ANXA8: variants seen among roughly 807,000 people sequenced by gnomAD.
ANXA8 encodes VAC-beta.
In ANXA8, 9 loss-of-function variants were observed where a neutral mutation model predicts 26.8. The observed-to-expected ratio is 0.34, with a 90% CI of 0.20 to 0.59. ANXA8 has a LOEUF of 0.59. Among genes scored for constraint, ANXA8 ranks in the 20% least tolerant of loss-of-function variants. The probability of loss-of-function intolerance (pLI) is 0.84; values close to 1 mark genes in which losing one functional copy is unlikely to be tolerated. For synonymous variants in ANXA8, 39 were observed against 94.8 expected (o/e 0.41, Z 3.42); for missense variants, 83 against 238.5 (o/e 0.35, Z 4.29).
At chr10:47,681,865 T>C in the ANXA8 span, among the ~76,000 whole-genome samples, 23 of 113,870 alleles carry the variant, frequency 2.0e-4, no homozygotes, top group African/African-American at 3.4e-4. Context: ...TGATGTTGCA[T>C]GGTGTGGATG....
At chr10:47,639,581 G>A in the ANXA8 span, among the ~76,000 whole-genome samples, 1 of 150,124 alleles carries the variant, frequency 6.7e-6, no homozygotes, top group African/African-American at 2.4e-5. Flanking sequence ...CTCCCAAAGT[G>A]CTGGGATTAC....
the ANXA8 span, among the ~76,000 whole-genome samples, chr10:47,653,039 C>A: frequency 6.6e-6 from 1 of 151,248 alleles, no homozygotes; most frequent in Non-Finnish European, 1.5e-5. Flanking sequence ...AGCCCGTGTG[C>A]AGTGGCTCAC....
At chr10:47,698,463 A>G in the ANXA8 span, among the ~76,000 whole-genome samples, 10 of 147,940 alleles carry the variant, frequency 6.8e-5, no homozygotes, top group African/African-American at 1.0e-4. Flanking sequence ...TAACTTTAGT[A>G]CAATATCAAC....
At chr10:47,991,510 G>C in the ANXA8 span, among the ~76,000 whole-genome samples, 1 of 148,312 alleles carries the variant, frequency 6.7e-6, no homozygotes, top group Non-Finnish European at 1.5e-5. Context: ...CTCTAGGCCT[G>C]GGGCTGTTTC....
rs1241901898 is a variant in ANXA8 at position 47,476,213 on chromosome 10, C to T, written c.412+19G>A. 1 of 384,202 alleles carries T rather than the reference C, an allele frequency of 2.6e-6. No individual in the cohort carries two copies. The highest frequency in any genetic ancestry group is 6.6e-5 in the African/African-American group (1 of 15,084). The allele number at this position is 384,202 out of a possible 1,614,324, so 23.8% of individuals were successfully genotyped here. On this transcript the variant is annotated intron_variant, in intron 5 of 11. Coordinates refer to ENST00000585281, the MANE Select transcript of ANXA8 (RefSeq NM_001040084.3). ...GCTTGTGGCCACTCCTGAGCCCCTC[C>T]ATCTGTGCCACCCCTTACCTTCCTC...
chr10:47,506,810 T>G, the ANXA8 span, among the ~76,000 whole-genome samples: 1 of 141,920 alleles, frequency 7.0e-6, no homozygotes, highest in South Asian at 2.3e-4. Flanking sequence ...CAGCTAAGTT[T>G]TTGTATTTTT....
chr10:47,951,811 CAAAAAAAAAAAAAA>C, the ANXA8 span, among the ~76,000 whole-genome samples: 2 of 94,554 alleles, frequency 2.1e-5, no homozygotes, highest in Non-Finnish European at 3.7e-5. Context: ...ACTCTGTCTC[CAAAAAAAAAAAAAA>C]AAAAAAAAAA....
At chr10:47,673,486 C>T in the ANXA8 span, among the ~76,000 whole-genome samples, 5 of 148,040 alleles carry the variant, frequency 3.4e-5, no homozygotes, top group Admixed American at 1.3e-4. Flanking sequence ...TTCAGGCCTT[C>T]ACAGAATGTA....
the ANXA8 span, among the ~76,000 whole-genome samples, chr10:47,525,707 T>C: frequency 1.5e-5 from 2 of 135,976 alleles, 1 homozygote; most frequent in East Asian, 6.0e-4. Flanking sequence ...GTTTCTCTAA[T>C]TTCATTTTCA....
At chr10:47,552,373 G>A in the ANXA8 span, among the ~76,000 whole-genome samples, 45 of 151,350 alleles carry the variant, frequency 3.0e-4, no homozygotes, top group Non-Finnish European at 8.8e-5. Context: ...CTACCATACT[G>A]GACAGCTCAG....
At chr10:47,501,372 A>G in the ANXA8 span, among the ~76,000 whole-genome samples, 1 of 143,930 alleles carries the variant, frequency 6.9e-6, no homozygotes, top group African/African-American at 2.5e-5. Context: ...TATCTCAACT[A>G]GCTGACATTA....
At chr10:47,900,683 G>A in the ANXA8 span, among the ~76,000 whole-genome samples, 1 of 108,322 alleles carries the variant, frequency 9.2e-6, no homozygotes, top group Non-Finnish European at 1.9e-5. Flanking sequence ...TTTTTTTTTG[G>A]CTCAGTAACC....
At chr10:47,580,789 A>C in the ANXA8 span, among the ~76,000 whole-genome samples, 10 of 149,948 alleles carry the variant, frequency 6.7e-5, no homozygotes, top group South Asian at 2.1e-3. Flanking sequence ...AACAAAAAAA[A>C]ACAGGCCAGG....
Position 47,483,898 on chromosome 10 carries a change from C to T in ANXA8, c.21+15G>A. 2 of 1,611,748 alleles carry T rather than the reference C, an allele frequency of 1.2e-6. No individual in the cohort carries two copies. The highest frequency in any genetic ancestry group is 8.5e-7 in the Non-Finnish European group (1 of 1,179,852). ...ACCATGCAGGAACCCAAATCTCCTG[C>T]CAGCTCCCACTTACCCAGGATTTCC... is the stretch of plus-strand genomic sequence containing the variant. On this transcript the variant is annotated intron_variant, in intron 1 of 11. Transcript: ENST00000585281.
chr10:47,682,355 G>A, the ANXA8 span, among the ~76,000 whole-genome samples: 18 of 143,144 alleles, frequency 1.3e-4, no homozygotes, highest in African/African-American at 4.7e-4. Flanking sequence ...CCAACCCTTT[G>A]AGAAGGAAAA....
At chr10:47,660,383 TTTTCTTTC>T in the ANXA8 span, among the ~76,000 whole-genome samples, 1 of 151,186 alleles carries the variant, frequency 6.6e-6, no homozygotes, top group East Asian at 1.9e-4. Flanking sequence ...AAAAGTGGTA[TTTTCTTTC>T]TTTCTTTCTT....
chr10:47,768,615 G>C, the ANXA8 span, among the ~76,000 whole-genome samples: 2 of 151,118 alleles, frequency 1.3e-5, no homozygotes, highest in East Asian at 1.9e-4. Context: ...GGGGAGGGGG[G>C]TGTGCTCGGG....
At position 47,476,308 on chromosome 10, in the gene ANXA8, C is replaced by T; in HGVS notation, c.336G>A (p.Lys112=). 1 of 456,248 alleles carries T rather than the reference C, an allele frequency of 2.2e-6. No individual in the cohort carries two copies. Among genetic ancestry groups the T allele is most frequent in the Non-Finnish European group, 3.3e-6 (1 of 302,834 alleles). 28.3% of individuals were successfully genotyped at this position (456,248 alleles called of 1,614,324 possible). A position where few individuals can be genotyped will look rare whatever the true frequency, so the allele number is the denominator to read the frequency against. Reference sequence around the variant, plus strand: ...CCAGGATCTCAATGATGACACCCTCCTTGGTTCCTAAGCCCTGTGGACAGA... The same window carrying T: ...CCAGGATCTCAATGATGACACCCTCTTTGGTTCCTAAGCCCTGTGGACAGA... ...LHDAMKGLGT[K]EGVIIEILAS... Residue 112 remains lysine, a synonymous_variant, in exon 5 of 12, where the codon AAG becomes AAA. Transcript: ENST00000585281.
the ANXA8 span, among the ~76,000 whole-genome samples, chr10:47,700,567 G>A: frequency 6.6e-6 from 1 of 151,516 alleles, no homozygotes; most frequent in South Asian, 2.1e-4. Context: ...AAACCTGAAT[G>A]AATCCTCTGT....
Sources: gnomAD v4.1 joint callset for allele counts (sites outside exome capture counted in the v4.1 genomes callset) on GRCh38, gnomAD v4.1.1 for gene constraint, MANE v1.5 for transcripts, NCBI Gene and HGNC (gene_info 2026-07-23, HGNC 2026-07-21) for gene names.